Variants in AMELY observed in about 807,000 individuals in gnomAD.
The protein encoded by AMELY is amelogenin Y-linked.
A neutral mutation model predicts 4.2 loss-of-function variants in AMELY; 4 were observed. The observed-to-expected ratio is 0.96, with a 90% CI of 0.47 to 2.19. AMELY has a LOEUF of 2.19. Among genes scored for constraint, AMELY ranks in the 30% most tolerant of loss-of-function variants. The pLI is 0.02. For missense variants in AMELY, 32 were observed against 41.5 expected (o/e 0.77, Z 0.63); for synonymous variants, 11 against 14.7 (o/e 0.75, Z 0.57).
At chrY:6,909,802 G>C in intron 1 of AMELY, among the ~76,000 whole-genome samples, 1 of 32,228 alleles carries the variant, frequency 3.1e-5, no homozygotes, top group Non-Finnish European at 7.5e-5. Flanking sequence ...CCCACAACCT[G>C]AGCGTCTAAC....
chrY:6,870,224 G>A (rs903499757), intron 3 of AMELY, among the ~76,000 whole-genome samples, 171 bp from the exon 4 acceptor site: 2 of 33,257 alleles, frequency 6.0e-5, no homozygotes, highest in African/African-American at 1.2e-4. Flanking sequence ...TCTGTTTTTC[G>A]TTAAAACAAG....
intron 1 of AMELY, among the ~76,000 whole-genome samples, chrY:6,885,108 A>G (rs938876230): frequency 2.9e-5 from 1 of 34,110 alleles, no homozygotes; most frequent in Non-Finnish European, 7.3e-5. Context: ...GTCACAGAGA[A>G]AGGAGAATGC....
At chrY:6,902,628 T>G (rs2054090025) in intron 1 of AMELY, among the ~76,000 whole-genome samples, 1 of 32,076 alleles carries the variant, frequency 3.1e-5, no homozygotes, top group Non-Finnish European at 7.6e-5. Context: ...TTGGCTCATT[T>G]CAACCTCCGC....
At chrY:6,873,039 TGAG>T (rs2054069648) in intron 2 of AMELY, among the ~76,000 whole-genome samples, 1 of 33,098 alleles carries the variant, frequency 3.0e-5, no homozygotes, top group African/African-American at 1.2e-4. Flanking sequence ...TATTTTAAAA[TGAG>T]GAGCTGAGAA....
chrY:6,897,170 C>G, intron 1 of AMELY, among the ~76,000 whole-genome samples: 5 of 33,248 alleles, frequency 1.5e-4, no homozygotes. Flanking sequence ...ACCAAAGCCC[C>G]TAAGGCAGTC....
intron 1 of AMELY, among the ~76,000 whole-genome samples, chrY:6,874,686 G>A (rs889938798): frequency 8.9e-5 from 3 of 33,638 alleles, no homozygotes; most frequent in Non-Finnish European, 7.5e-5. Flanking sequence ...TTCTTTGCCC[G>A]TGTACTTCTA....
At chrY:6,907,948 TCCTCCTGTCTCAG>T (rs2011669412) in intron 1 of AMELY, among the ~76,000 whole-genome samples, 4 of 32,453 alleles carry the variant, frequency 1.2e-4, no homozygotes, top group Admixed American at 1.1e-3. Context: ...GATCAAGCTA[TCCTCCTGTCTCAG>T]CCTCCTGAGC....
At chrY:6,881,139 T>A (rs964036724) in intron 1 of AMELY, among the ~76,000 whole-genome samples, 2 of 33,032 alleles carry the variant, frequency 6.1e-5, no homozygotes, top group Admixed American at 5.7e-4. Flanking sequence ...ATTTTAGATC[T>A]TTCATGATTT....
intron 1 of AMELY, among the ~76,000 whole-genome samples, chrY:6,889,424 A>G (rs930382196): frequency 1.5e-4 from 5 of 32,320 alleles, no homozygotes; most frequent in Admixed American, 1.5e-3. Flanking sequence ...GCCTCATGCT[A>G]TCTTCTTTGG....
chrY:6,875,718 G>T, intron 1 of AMELY, among the ~76,000 whole-genome samples: 1 of 33,326 alleles, frequency 3.0e-5, no homozygotes, highest in Non-Finnish European at 7.4e-5. Flanking sequence ...TAAGAAAACA[G>T]GCTTTAGCGT....
chrY:6,887,435 G>C, intron 1 of AMELY, among the ~76,000 whole-genome samples: 1 of 33,563 alleles, frequency 3.0e-5, no homozygotes, highest in Non-Finnish European at 7.4e-5. Flanking sequence ...CAACATTAAG[G>C]AGTGCTGTGT....
intron 1 of AMELY, among the ~76,000 whole-genome samples, chrY:6,899,390 C>G: frequency 3.0e-5 from 1 of 32,936 alleles, no homozygotes; most frequent in Admixed American, 2.8e-4. Context: ...CGTGTGGCCA[C>G]TGCCGCAGCT....
chrY:6,892,226 T>A (rs772612411), intron 1 of AMELY, among the ~76,000 whole-genome samples: 1 of 33,645 alleles, frequency 3.0e-5, no homozygotes, highest in South Asian at 6.9e-4. Context: ...TTGCCTGCCA[T>A]ATCTTTTCCA....
At position 6,872,630 on chromosome Y, in the gene AMELY, A is replaced by C; in HGVS notation, c.-12-10T>G. On this transcript the variant is annotated splice_polypyrimidine_tract_variant and intron_variant, in intron 2 of 6. Coordinates refer to ENST00000651267, the MANE Select transcript of AMELY (RefSeq NM_001143.2). The stretch of plus-strand genomic sequence containing the variant: ...CCATTTCTTGATGGTTCTGAAATGA[A>C]AATCAGCAAGTGCTTTTCTCATCTC... The C allele has an allele frequency of 2.6e-6, 1 of 385,600 alleles. No individual in the cohort carries two copies. The highest frequency in any genetic ancestry group is 6.4e-5 in the African/African-American group (1 of 15,509).
At chrY:6,906,757 C>T (rs2011664762) in intron 1 of AMELY, among the ~76,000 whole-genome samples, 1 of 31,856 alleles carries the variant, frequency 3.1e-5, no homozygotes, top group Non-Finnish European at 7.6e-5. Flanking sequence ...TGTCTAACAT[C>T]GTTTCTTTTT....
At chrY:6,910,188 T>C (rs1367369518) in intron 1 of AMELY, among the ~76,000 whole-genome samples, 1 of 32,499 alleles carries the variant, frequency 3.1e-5, no homozygotes, top group African/African-American at 1.2e-4. Flanking sequence ...TCTGGCTCTT[T>C]TTCTGGGAGG....
chrY:6,884,296 G>C (rs1603022270), intron 1 of AMELY, among the ~76,000 whole-genome samples: 1 of 30,484 alleles, frequency 3.3e-5, no homozygotes, highest in African/African-American at 1.3e-4. Flanking sequence ...TGGGGGGCTG[G>C]GGGGGGATAA....
intron 4 of AMELY, 186 bp from the exon 5 acceptor site, chrY:6,868,962 G>A: frequency 2.4e-5 from 5 of 209,073 alleles, no homozygotes; most frequent in Non-Finnish European, 4.4e-5. Flanking sequence ...CTGTGTGTCA[G>A]GCACTGTGTT....
At chrY:6,885,264 G>C (rs758898139) in intron 1 of AMELY, among the ~76,000 whole-genome samples, 2 of 33,478 alleles carry the variant, frequency 6.0e-5, no homozygotes, top group South Asian at 6.7e-4. Flanking sequence ...CGGATCACGA[G>C]GTCAGGAGAT....
Sources: gnomAD v4.1 joint callset for allele counts (sites outside exome capture counted in the v4.1 genomes callset) on GRCh38, gnomAD v4.1.1 for gene constraint, MANE v1.5 for transcripts, NCBI Gene and HGNC (gene_info 2026-07-23, HGNC 2026-07-21) for gene names.